Variants in PPP1R1C observed in about 807,000 individuals in gnomAD.
PPP1R1C encodes protein phosphatase 1 regulatory inhibitor subunit 1C, also known as protein phosphatase 1 regulatory subunit 1C.
In PPP1R1C, 15 loss-of-function variants were observed where a neutral mutation model predicts 17.4. That is an observed-to-expected ratio of 0.86 (90% CI 0.58 to 1.33). The LOEUF (loss-of-function observed/expected upper bound fraction) is 1.33, where lower values mean the gene tolerates loss of function less well. PPP1R1C is among the 40% of genes most tolerant of loss of function. The pLI, the probability that PPP1R1C is intolerant of heterozygous loss-of-function variation, is 0.00. For synonymous variants in PPP1R1C, 35 were observed against 43.1 expected (o/e 0.81, Z 0.73); for missense variants, 143 against 130.0 (o/e 1.10, Z -0.48).
Position 182,100,032 on chromosome 2 carries a change from C to T in PPP1R1C, c.242-17175C>T, listed in dbSNP as rs1008312876. 4.6e-5 allele frequency among the ~76,000 whole-genome samples: 7 copies of T among 152,082 alleles called. 1 individual carries two copies. The South Asian group carries it at 6.2e-4, about 14-fold the overall frequency. ...TTCTCTATTACCTCAGTTGTGGTACCGAGTCTAATGTTTAGACGTAACTTG... is the reference window on the plus strand; with the variant it reads ...TTCTCTATTACCTCAGTTGTGGTACTGAGTCTAATGTTTAGACGTAACTTG... On this transcript the variant is annotated intron_variant, in intron 4 of 4. Coordinates refer to ENST00000682840, the MANE Select transcript of PPP1R1C (RefSeq NM_001080545.3).
At chr2:182,096,991 G>A (rs758068915) in intron 4 of PPP1R1C, among the ~76,000 whole-genome samples, 1 of 152,080 alleles carries the variant, frequency 6.6e-6, no homozygotes, top group African/African-American at 2.4e-5. Flanking sequence ...GAACAGACTG[G>A]AATCCTAAAA....
chr2:182,053,153 G>T (rs1288002834), intron 2 of PPP1R1C, among the ~76,000 whole-genome samples: 1 of 152,134 alleles, frequency 6.6e-6, no homozygotes, highest in African/African-American at 2.4e-5. Flanking sequence ...AACCAATTCT[G>T]CTCTTAGAGT....
downstream of PPP1R1C, among the ~76,000 whole-genome samples, chr2:182,120,262 C>CTA (rs549454345): frequency 1.5e-3 from 228 of 152,194 alleles, no homozygotes; most frequent in African/African-American, 5.2e-3. Flanking sequence ...TTCCATTGGT[C>CTA]TATATCTGTT....
At position 182,053,167 on chromosome 2, in the gene PPP1R1C, A is replaced by G. The variant is rs560149420; in HGVS notation, c.143-8275A>G. Among the ~76,000 whole-genome samples, 259 of 152,338 alleles carry G rather than the reference A, an allele frequency of 1.7e-3. 1 individual carries two copies. The highest frequency in any genetic ancestry group is 5.8e-3 in the African/African-American group (243 of 41,588). ...AAACCAATTCTGCTCTTAGAGTAGGACAAAATTAGCTTTGGAAACAATTGT... is the reference window on the plus strand; with the variant it reads ...AAACCAATTCTGCTCTTAGAGTAGGGCAAAATTAGCTTTGGAAACAATTGT... On this transcript the variant is annotated intron_variant, in intron 2 of 4. Coordinates refer to ENST00000682840, the MANE Select transcript of PPP1R1C (RefSeq NM_001080545.3).
chr2:182,017,595 T>A (rs1239106986), intron 2 of PPP1R1C, among the ~76,000 whole-genome samples: 1 of 152,122 alleles, frequency 6.6e-6, no homozygotes, highest in Non-Finnish European at 1.5e-5. Flanking sequence ...TTTCACTTAT[T>A]TAATCAATTA....
At chr2:182,045,023 G>A (rs1252082922) in intron 2 of PPP1R1C, among the ~76,000 whole-genome samples, 2 of 152,046 alleles carry the variant, frequency 1.3e-5, no homozygotes, top group African/African-American at 4.8e-5. Context: ...TGAACTTGGT[G>A]CCAAACATAT....
At chr2:182,106,790 C>A (rs1483730952) in intron 4 of PPP1R1C, among the ~76,000 whole-genome samples, 1 of 152,114 alleles carries the variant, frequency 6.6e-6, no homozygotes, top group African/African-American at 2.4e-5. Context: ...TAATATGCAC[C>A]ACTAGGGCTT....
At chr2:182,070,776 G>A (rs570023437) in intron 4 of PPP1R1C, among the ~76,000 whole-genome samples, 2 of 152,326 alleles carry the variant, frequency 1.3e-5, no homozygotes, top group Non-Finnish European at 2.9e-5. Flanking sequence ...AGGCTGTACA[G>A]GAAGCATGAT....
intron 4 of PPP1R1C, among the ~76,000 whole-genome samples, chr2:182,100,735 T>C (rs1689075940): frequency 6.6e-6 from 1 of 152,184 alleles, no homozygotes; most frequent in Non-Finnish European, 1.5e-5. Flanking sequence ...TGTTCGCCTG[T>C]CTACTTCAGC....
At chr2:181,998,926 A>G (rs1022276723) in intron 2 of PPP1R1C, among the ~76,000 whole-genome samples, 3 of 152,218 alleles carry the variant, frequency 2.0e-5, no homozygotes, top group Admixed American at 2.0e-4. Context: ...GCAAAACAGC[A>G]TGAATGATTG....
chr2:182,090,809 A>G (rs1023726940), intron 4 of PPP1R1C, among the ~76,000 whole-genome samples: 2 of 152,250 alleles, frequency 1.3e-5, no homozygotes, highest in Non-Finnish European at 2.9e-5. Context: ...TTTCAAAAAA[A>G]GAAAAGAAAC....
At chr2:181,973,348 G>C (rs1685044648) in intron 1 of PPP1R1C, among the ~76,000 whole-genome samples, 1 of 152,216 alleles carries the variant, frequency 6.6e-6, no homozygotes, top group Non-Finnish European at 1.5e-5. Context: ...ACATAGGCAA[G>C]CACTCAAGAA....
chr2:181,996,868 T>A (rs1680993138), intron 2 of PPP1R1C, among the ~76,000 whole-genome samples: 1 of 152,230 alleles, frequency 6.6e-6, no homozygotes, highest in South Asian at 2.1e-4. Flanking sequence ...TTAGAATACT[T>A]TGCCTCAATG....
intron 2 of PPP1R1C, among the ~76,000 whole-genome samples, chr2:182,042,042 C>G (rs908793513): frequency 6.6e-6 from 1 of 152,186 alleles, no homozygotes; most frequent in Non-Finnish European, 1.5e-5. Flanking sequence ...GTAGCTCCTT[C>G]TCTTCCACTT....
intron 4 of PPP1R1C, among the ~76,000 whole-genome samples, chr2:182,109,164 CT>C (rs1297557505): frequency 2.6e-5 from 4 of 151,908 alleles, no homozygotes; most frequent in Non-Finnish European, 5.9e-5. Flanking sequence ...CTGTTCAGAC[CT>C]TTTTTTTCCA....
At chr2:182,035,258 T>C (rs937745063) in intron 2 of PPP1R1C, among the ~76,000 whole-genome samples, 3 of 152,208 alleles carry the variant, frequency 2.0e-5, no homozygotes, top group Non-Finnish European at 2.9e-5. Flanking sequence ...ATGGTTGTTA[T>C]TATACAAAGC....
intron 2 of PPP1R1C, among the ~76,000 whole-genome samples, chr2:182,046,306 C>G (rs1033120657): frequency 6.6e-6 from 1 of 152,084 alleles, no homozygotes; most frequent in Non-Finnish European, 1.5e-5. Context: ...CTATATCATC[C>G]CATTCCCCCT....
intron 2 of PPP1R1C, among the ~76,000 whole-genome samples, chr2:182,027,761 C>G (rs1481038968): frequency 2.4e-4 from 36 of 151,156 alleles, no homozygotes; most frequent in Non-Finnish European, 3.7e-4. Flanking sequence ...TTTTTCTATT[C>G]ATTGGAATAG....
intron 4 of PPP1R1C, among the ~76,000 whole-genome samples, chr2:182,072,536 C>T (rs1688170951): frequency 6.6e-6 from 1 of 152,040 alleles, no homozygotes; most frequent in Non-Finnish European, 1.5e-5. Context: ...GCAGGGTTCC[C>T]ATGTTAAGTG....
Sources: allele counts gnomAD v4.1 joint callset (sites outside exome capture counted in the v4.1 genomes callset), GRCh38; gene constraint gnomAD v4.1.1; transcripts MANE v1.5; gene names NCBI Gene and HGNC (gene_info 2026-07-23, HGNC 2026-07-21).